TTR: variants seen among roughly 807,000 people sequenced by gnomAD.
TTR encodes the protein epididymis luminal protein 111.
TTR carries 8 observed loss-of-function variants against 13.7 expected under a neutral mutation model. The observed-to-expected ratio is 0.58, with a 90% confidence interval of 0.34 to 1.05. The LOEUF (loss-of-function observed/expected upper bound fraction) is 1.05. Ranked by LOEUF, TTR falls within the 50% of genes least tolerant of loss-of-function variation. The pLI is 0.02. For synonymous variants in TTR, 75 were observed against 71.7 expected (o/e 1.05, Z -0.23); for missense variants, 135 against 185.5 (o/e 0.73, Z 1.58).
Position 31,598,621 on chromosome 18 carries a change from G to T in TTR, c.390G>T (p.Leu130=). The T allele has an allele frequency of 6.2e-7, 1 of 1,614,142 alleles. No homozygotes were observed. Among genetic ancestry groups the T allele is most frequent in the South Asian group, 1.1e-5 (1 of 91,080 alleles). ...CCCGCCGCTACACCATTGCCGCCCTGCTGAGCCCCTACTCCTATTCCACCA... is the reference window on the plus strand; with the variant it reads ...CCCGCCGCTACACCATTGCCGCCCTTCTGAGCCCCTACTCCTATTCCACCA... ...SGPRRYTIAA[L]LSPYSYSTTA... Residue 130 remains leucine, a synonymous_variant, in exon 4 of 4, where the codon CTG becomes CTT. Coordinates refer to ENST00000237014, the MANE Select transcript of TTR (RefSeq NM_000371.4).
chr18:31,597,634 G>A (rs2073523500), intron 3 of TTR, among the ~76,000 whole-genome samples: 1 of 152,128 alleles, frequency 6.6e-6, no homozygotes, highest in South Asian at 2.1e-4. Context: ...TATTTATGCA[G>A]AGTGTGTCCA....
rs113997467 is a variant in TTR, at chr18:31,592,439, A to G, written c.70-457A>G. ...ATATCTAATTCTTAAATCCTCTAGA[A>G]GAATTAACTAATACTATAAAATGGG... is the stretch of plus-strand genomic sequence containing the variant. On this transcript the variant is annotated intron_variant, in intron 1 of 3. Coordinates refer to ENST00000237014, the MANE Select transcript of TTR (RefSeq NM_000371.4). Among the ~76,000 whole-genome samples, 776 of 152,360 alleles carry G rather than the reference A, an allele frequency of 5.1e-3. 6 individuals are homozygous for G. The highest frequency in any genetic ancestry group is 0.018 in the African/African-American group (750 of 41,578).
chr18:31,595,288 T>G, intron 3 of TTR, 33 bp downstream of exon 3: 1 of 1,613,988 alleles, frequency 6.2e-7, no homozygotes, highest in Non-Finnish European at 8.5e-7. Context: ...GTTGTTTTGG[T>G]TTTGGTTTTT....
In TTR at chr18:31,597,548, A is replaced by G. The variant is rs544717430; in HGVS notation, c.337-1020A>G. Among the ~76,000 whole-genome samples the G allele has an allele frequency of 5.3e-5, 8 of 152,250 alleles. No homozygotes were observed. In the South Asian group the frequency reaches 1.7e-3, roughly 32 times the overall value. On this transcript the variant is annotated intron_variant, in intron 3 of 3. Transcript: ENST00000237014. ...CCCCAGTATTATTTTTGTTTTTGGTATGGCTCACTCAGATCCTTTTTTCCT... is the reference window on the plus strand; with the variant it reads ...CCCCAGTATTATTTTTGTTTTTGGTGTGGCTCACTCAGATCCTTTTTTCCT...
At chr18:31,594,237 T>A (rs1439362485) in intron 2 of TTR, among the ~76,000 whole-genome samples, 4 of 152,114 alleles carry the variant, frequency 2.6e-5, no homozygotes, top group Non-Finnish European at 2.9e-5. Flanking sequence ...GCTGTTGCAG[T>A]CAAATGGGAA....
chr18:31,595,418 C>A, intron 3 of TTR, 163 bp downstream of exon 3: 2 of 958,092 alleles, frequency 2.1e-6, no homozygotes, highest in African/African-American at 1.6e-5. Flanking sequence ...TCACAACACT[C>A]TGAGAAGCAA....
chr18:31,598,331 G>A (rs147990791), intron 3 of TTR: 11 of 627,506 alleles, frequency 1.8e-5, no homozygotes, highest in Admixed American at 2.2e-5. Flanking sequence ...CCTGACTTTC[G>A]GCGTGAATTT....
At chr18:31,592,480 G>A (rs2073490946) in intron 1 of TTR, among the ~76,000 whole-genome samples, 1 of 152,134 alleles carries the variant, frequency 6.6e-6, no homozygotes, top group East Asian at 1.9e-4. Context: ...ATGTAGTTCT[G>A]ACATTATTTT....
At chr18:31,593,126 A>G in intron 2 of TTR, 100 bp downstream of exon 2, 1 of 1,570,870 alleles carries the variant, frequency 6.4e-7, no homozygotes, top group East Asian at 2.3e-5. Flanking sequence ...AAGAATTTAC[A>G]AGTAGATTGA....
At chr18:31,597,775 G>A (rs1321970107) in intron 3 of TTR, among the ~76,000 whole-genome samples, 1 of 152,140 alleles carries the variant, frequency 6.6e-6, no homozygotes, top group African/African-American at 2.4e-5. Context: ...CAGCACCTGA[G>A]TCGCAGATAT....
intron 3 of TTR, chr18:31,598,365 C>G (rs1463033281): frequency 2.9e-6 from 2 of 692,526 alleles, no homozygotes; most frequent in Non-Finnish European, 5.2e-6. Flanking sequence ...TGACTCTGTA[C>G]TCCTGCTCTA....
intron 2 of TTR, chr18:31,593,622 C>A (rs2073498505): frequency 6.5e-6 from 1 of 152,676 alleles, no homozygotes; most frequent in Non-Finnish European, 1.5e-5. Context: ...AGGCTGGGGG[C>A]TGTCAAGCTC....
chr18:31,595,505 T>C (rs943581768), intron 3 of TTR: 5 of 611,730 alleles, frequency 8.2e-6, no homozygotes, highest in African/African-American at 7.3e-5. Context: ...AGTCTATTCA[T>C]TCCACTTTAT....
intron 2 of TTR, 140 bp from the exon 3 acceptor site, chr18:31,594,980 T>C: frequency 2.0e-6 from 2 of 983,056 alleles, no homozygotes; most frequent in Non-Finnish European, 1.6e-6. Flanking sequence ...GAGTTTTCCC[T>C]ACTTCTGACT....
In TTR at chr18:31,592,907, A is replaced by T. The variant is rs201164521; in HGVS notation, c.81A>T (p.Glu27Asp). Residue 27 changes from glutamate (E) to aspartate (D), a missense_variant, in exon 2 of 4, where the codon GAA (glutamate) becomes GAT (aspartate). Coordinates refer to ENST00000237014, the MANE Select transcript of TTR (RefSeq NM_000371.4). ...TTCTCTACACCCAGGGCACCGGTGAATCCAAGTGTCCTCTGATGGTCAAAG... is the reference window on the plus strand; with the variant it reads ...TTCTCTACACCCAGGGCACCGGTGATTCCAAGTGTCCTCTGATGGTCAAAG... Reference protein sequence around the residue: ...VSEAGPTGTGESKCPLMVKVL... With the variant: ...VSEAGPTGTGDSKCPLMVKVL... 6.2e-7 allele frequency: 1 copy of T among 1,614,028 alleles called. No individual in the cohort carries two copies. The highest frequency in any genetic ancestry group is 8.5e-7 in the Non-Finnish European group (1 of 1,179,924).
At position 31,592,914 on chromosome 18, in the gene TTR, T is replaced by C. The variant is rs121918083; in HGVS notation, c.88T>C (p.Cys30Arg). 1.2e-6 allele frequency: 2 copies of C among 1,613,960 alleles called. No individual in the cohort carries two copies. Among genetic ancestry groups the C allele is most frequent in the Non-Finnish European group, 1.7e-6 (2 of 1,179,950 alleles). Reference sequence around the variant, plus strand: ...CACCCAGGGCACCGGTGAATCCAAGTGTCCTCTGATGGTCAAAGTTCTAGA... The same window carrying C: ...CACCCAGGGCACCGGTGAATCCAAGCGTCCTCTGATGGTCAAAGTTCTAGA... ...AGPTGTGESK[C>R]PLMVKVLDAV... is the part of the protein sequence containing the mutation. Residue 30 changes from cysteine to arginine, a missense_variant, in exon 2 of 4, where the codon TGT becomes CGT. Physicochemically the swap from Cys to Arg is radical, Grantham distance 180. Coordinates refer to ENST00000237014, the MANE Select transcript of TTR (RefSeq NM_000371.4).
At chr18:31,598,478 G>C (rs759470762) in intron 3 of TTR, 90 bp from the exon 4 acceptor site, 1 of 1,192,226 alleles carries the variant, frequency 8.4e-7, no homozygotes, top group African/African-American at 1.5e-5. Context: ...TAATTAAGTT[G>C]GCACTGGACT....
chr18:31,598,589 T>G lies in TTR; in HGVS notation c.358T>G (p.Ser120Ala), dbSNP rs76591836. The change falls in exon 4 of 4, where the codon TCC becomes GCC. Residue 120 changes from serine to alanine, a missense_variant. Transcript: ENST00000237014. The part of the protein sequence containing the change: ...HAEVVFTAND[S>A]GPRRYTIAAL... ...ATAGGTGGTATTCACAGCCAACGAC[T>G]CCGGCCCCCGCCGCTACACCATTGC... 1 of 1,613,998 alleles carries G rather than the reference T, an allele frequency of 6.2e-7. No individual in the cohort carries two copies.
At chr18:31,595,588 G>T in intron 3 of TTR, 1 of 402,092 alleles carries the variant, frequency 2.5e-6, no homozygotes, top group Admixed American at 3.4e-5. Context: ...TAGAGTGTAT[G>T]TAACAAGAGA....
Sources: gnomAD v4.1 joint callset for allele counts (sites outside exome capture counted in the v4.1 genomes callset) on GRCh38, gnomAD v4.1.1 for gene constraint, MANE v1.5 for transcripts, NCBI Gene and HGNC (gene_info 2026-07-23, HGNC 2026-07-21) for gene names.